The following NEK7 variants were observed in gnomAD, a reference collection of about 807,000 sequenced individuals.
NEK7 encodes NIMA related kinase 7, also known as serine/threonine-protein kinase Nek7.
Under a neutral mutation model 44.6 loss-of-function variants are expected in NEK7, and 18 were observed. That is an observed-to-expected ratio of 0.40 (90% CI 0.28 to 0.60). NEK7 has a LOEUF of 0.60. NEK7 is among the 20% of genes least tolerant of loss of function. The pLI is 0.38. For synonymous variants in NEK7, 130 were observed against 121.1 expected (o/e 1.07, Z -0.48); for missense variants, 256 against 366.5 (o/e 0.70, Z 2.46).
chr1:198,254,511 C>T (rs538478590), intron 3 of NEK7, among the ~76,000 whole-genome samples: 2 of 152,210 alleles, frequency 1.3e-5, no homozygotes, highest in South Asian at 2.1e-4. Context: ...GCAATTAGTC[C>T]GTGTTGGTGC....
chr1:198,312,814 T>C (rs1655232570), intron 9 of NEK7, among the ~76,000 whole-genome samples: 1 of 152,024 alleles, frequency 6.6e-6, no homozygotes, highest in African/African-American at 2.4e-5. Context: ...TAGTTTGTTA[T>C]AATTTCTGTT....
intron 1 of NEK7, among the ~76,000 whole-genome samples, chr1:198,159,551 G>A (rs759467932): frequency 2.0e-5 from 3 of 152,112 alleles, no homozygotes; most frequent in Non-Finnish European, 2.9e-5. Context: ...ACAACTTCTT[G>A]GGAATCTTTC....
chr1:198,244,035 A>G (rs1666763367), intron 2 of NEK7, among the ~76,000 whole-genome samples: 1 of 152,204 alleles, frequency 6.6e-6, no homozygotes, highest in Non-Finnish European at 1.5e-5. Flanking sequence ...AAAAGATAAT[A>G]GCATGAGCTT....
chr1:198,236,232 A>G (rs765011771), intron 2 of NEK7, among the ~76,000 whole-genome samples: 1 of 152,110 alleles, frequency 6.6e-6, no homozygotes, highest in Non-Finnish European at 1.5e-5. Flanking sequence ...AGTGTCATTT[A>G]ACTTGTTTCT....
At chr1:198,290,918 G>A (rs1299787569) in intron 7 of NEK7, among the ~76,000 whole-genome samples, 1 of 152,044 alleles carries the variant, frequency 6.6e-6, no homozygotes, top group Non-Finnish European at 1.5e-5. Context: ...AAGGATTTTT[G>A]TACATTAACA....
chr1:198,299,411 A>G (rs867866698), intron 9 of NEK7, among the ~76,000 whole-genome samples: 3 of 152,190 alleles, frequency 2.0e-5, no homozygotes, highest in African/African-American at 4.8e-5. Flanking sequence ...TGGTAGTGCT[A>G]TAATGTCTTA....
At chr1:198,278,879 A>C (rs1474298217) in intron 6 of NEK7, 75 bp from the exon 7 acceptor site, 6 of 757,526 alleles carry the variant, frequency 7.9e-6, no homozygotes, top group Non-Finnish European at 1.3e-5. Flanking sequence ...TTCTGTCACG[A>C]AAAGTAGTTG....
At chr1:198,163,273 G>C (rs1383818095) in intron 1 of NEK7, among the ~76,000 whole-genome samples, 1 of 152,066 alleles carries the variant, frequency 6.6e-6, no homozygotes, top group African/African-American at 2.4e-5. Context: ...TGGGAAGATT[G>C]CTTGAGACCT....
At chr1:198,288,510 AATG>A (rs1190227033) in intron 7 of NEK7, among the ~76,000 whole-genome samples, 1 of 152,232 alleles carries the variant, frequency 6.6e-6, no homozygotes, top group Non-Finnish European at 1.5e-5. Flanking sequence ...GGTCAGTTAT[AATG>A]AAATAACCAT....
chr1:198,246,274 A>G (rs528261794), intron 2 of NEK7, among the ~76,000 whole-genome samples: 4 of 151,922 alleles, frequency 2.6e-5, no homozygotes, highest in African/African-American at 4.8e-5. Context: ...ATGTGCAGCT[A>G]TGCTCCTTCT....
intron 9 of NEK7, among the ~76,000 whole-genome samples, chr1:198,299,385 C>T (rs1428133297): frequency 1.3e-5 from 2 of 151,964 alleles, no homozygotes; most frequent in Admixed American, 1.3e-4. Context: ...TTCATGGTAG[C>T]CAAAAATCCC....
chr1:198,290,980 C>G (rs1456795985), intron 7 of NEK7, among the ~76,000 whole-genome samples: 1 of 152,162 alleles, frequency 6.6e-6, no homozygotes, highest in Non-Finnish European at 1.5e-5. Context: ...TTCTTTTCCT[C>G]TGCTCCCTTC....
At chr1:198,215,710 A>G (rs1018348575) in intron 1 of NEK7, among the ~76,000 whole-genome samples, 1 of 152,146 alleles carries the variant, frequency 6.6e-6, no homozygotes, top group African/African-American at 2.4e-5. Context: ...AAAGGAGTGG[A>G]AAAAGATATT....
intron 7 of NEK7, among the ~76,000 whole-genome samples, chr1:198,282,984 G>T (rs1223900845): frequency 2.0e-5 from 3 of 152,090 alleles, no homozygotes; most frequent in African/African-American, 7.2e-5. Flanking sequence ...TTTGGAGAGA[G>T]TGAGGTGGGG....
intron 9 of NEK7, among the ~76,000 whole-genome samples, chr1:198,300,003 G>C (rs1286356324): frequency 6.6e-6 from 1 of 152,032 alleles, no homozygotes; most frequent in East Asian, 1.9e-4. Context: ...AAATAATTAG[G>C]GTTCTGGATT....
intron 9 of NEK7, among the ~76,000 whole-genome samples, chr1:198,307,322 T>G (rs775210402): frequency 6.6e-6 from 1 of 152,140 alleles, no homozygotes; most frequent in Non-Finnish European, 1.5e-5. Flanking sequence ...AGCAAATACC[T>G]AAGTGATGTT....
chr1:198,264,892 T>G (rs1017339138), intron 5 of NEK7, among the ~76,000 whole-genome samples: 1 of 151,988 alleles, frequency 6.6e-6, no homozygotes, highest in African/African-American at 2.4e-5. Context: ...AGAACCTACT[T>G]TATAGGATTG....
At chr1:198,245,368 A>C (rs1006992146) in intron 2 of NEK7, 4 of 169,304 alleles carry the variant, frequency 2.4e-5, no homozygotes, top group African/African-American at 4.8e-5. Context: ...CTGCGTTTGT[A>C]TGCCTCTTTA....
intron 5 of NEK7, among the ~76,000 whole-genome samples, chr1:198,273,699 G>C (rs1653924842): frequency 6.6e-6 from 1 of 151,588 alleles, no homozygotes; most frequent in African/African-American, 2.4e-5. Flanking sequence ...AGTATTAAAT[G>C]GACCAATAGG....
Sources: gnomAD v4.1 joint callset for allele counts (sites outside exome capture counted in the v4.1 genomes callset) on GRCh38, gnomAD v4.1.1 for gene constraint, MANE v1.5 for transcripts, NCBI Gene and HGNC (gene_info 2026-07-23, HGNC 2026-07-21) for gene names.